Variants in FLACC1 observed in about 807,000 individuals in gnomAD.
FLACC1 encodes the protein flagellum associated containing coiled-coil domains 1.
A neutral mutation model predicts 62.8 loss-of-function variants in FLACC1; 66 were observed. That is an observed-to-expected ratio of 1.05 (90% CI 0.86 to 1.29). The LOEUF (loss-of-function observed/expected upper bound fraction) is 1.29, where lower values mean the gene tolerates loss of function less well. FLACC1 is among the 50% of genes most tolerant of loss of function. The probability of loss-of-function intolerance (pLI) is 0.00; values close to 1 mark genes in which losing one functional copy is unlikely to be tolerated. For missense variants in FLACC1, 452 were observed against 489.1 expected (o/e 0.92, Z 0.71); for synonymous variants, 156 against 161.0 (o/e 0.97, Z 0.24).
chr2:201,338,757 T>C (rs1950745838), intron 7 of FLACC1, among the ~76,000 whole-genome samples: 1 of 152,180 alleles, frequency 6.6e-6, no homozygotes, highest in African/African-American at 2.4e-5. Context: ...CTGATATAAG[T>C]CCCACTCGGT....
Position 201,345,937 on chromosome 2 carries a change from A to G in FLACC1, c.368+605T>C, listed in dbSNP as rs559208492. ...CCCAGCACTTTGGGAGGCTGAGGCC[A>G]GAGGATTACCTGAGGTCAGGAGTTT... On this transcript the variant is annotated intron_variant, in intron 5 of 14. Coordinates refer to ENST00000392257, the MANE Select transcript of FLACC1 (RefSeq NM_001127391.3). Among the ~76,000 whole-genome samples the G allele has an allele frequency of 1.8e-3, 279 of 152,276 alleles. 2 individuals carry two copies. The highest frequency in any genetic ancestry group is 1.2e-3 in the Non-Finnish European group (79 of 68,022).
chr2:201,350,632 G>A, intron 3 of FLACC1, 79 bp downstream of exon 3: 1 of 1,303,232 alleles, frequency 7.7e-7, no homozygotes, highest in South Asian at 1.3e-5. Context: ...AGTGAGCCAA[G>A]GTTACACCAC....
upstream of FLACC1, among the ~76,000 whole-genome samples, chr2:201,360,971 G>A (rs1465456951): frequency 6.6e-6 from 1 of 152,134 alleles, no homozygotes; most frequent in Non-Finnish European, 1.5e-5. Context: ...CCAGCTACTC[G>A]GGAGGTTGAG....
intron 9 of FLACC1, among the ~76,000 whole-genome samples, chr2:201,328,720 C>T (rs926561356): frequency 2.0e-5 from 3 of 152,162 alleles, no homozygotes; most frequent in African/African-American, 4.8e-5. Context: ...GCCACAGCAC[C>T]GGCCTATGGT....
chr2:201,324,491 A>G (rs1950465817), intron 9 of FLACC1, among the ~76,000 whole-genome samples: 4 of 152,246 alleles, frequency 2.6e-5, no homozygotes. Context: ...CTTAAATGAC[A>G]TGCTAAAACA....
At chr2:201,337,092 C>T (rs1359450515) in intron 7 of FLACC1, among the ~76,000 whole-genome samples, 1 of 152,126 alleles carries the variant, frequency 6.6e-6, no homozygotes, top group Non-Finnish European at 1.5e-5. Context: ...GAGAATGTCT[C>T]TTCACTCTGT....
At chr2:201,323,094 T>C (rs1950435738) in intron 9 of FLACC1, among the ~76,000 whole-genome samples, 1 of 152,200 alleles carries the variant, frequency 6.6e-6, no homozygotes, top group South Asian at 2.1e-4. Flanking sequence ...TATGGGATTA[T>C]GTTAAACAGC....
In FLACC1 at chr2:201,351,312, C is replaced by T. The variant is rs1951023056; in HGVS notation, c.93G>A (p.Lys31=). 6.2e-7 allele frequency: 1 copy of T among 1,613,874 alleles called. No homozygotes were observed. The highest frequency in any genetic ancestry group is 8.5e-7 in the Non-Finnish European group (1 of 1,179,738). ...KLIKTPQLPR[K]NSTGSSKLTP... ...CTTACTTGGAACTCCCTGTGGAGTT[C>T]TTGCGTGGTAGTTGAGGGGTCTTGA... The change falls in exon 2 of 15, where the codon AAG becomes AAA. Residue 31 remains lysine (K), a synonymous_variant. Coordinates refer to ENST00000392257, the MANE Select transcript of FLACC1 (RefSeq NM_001127391.3).
At chr2:201,331,795 C>T (rs569883531) in intron 7 of FLACC1, among the ~76,000 whole-genome samples, 311 of 152,268 alleles carry the variant, frequency 2.0e-3, no homozygotes, top group Non-Finnish European at 3.4e-3. Flanking sequence ...TGTCATTACA[C>T]ATTTGTCCAA....
At chr2:201,339,331 G>A (rs188291076) in intron 7 of FLACC1, among the ~76,000 whole-genome samples, 2 of 151,910 alleles carry the variant, frequency 1.3e-5, no homozygotes, top group African/African-American at 4.8e-5. Flanking sequence ...CTAGCTACTG[G>A]TTTATCAATT....
rs1246632746 is a variant in FLACC1, at chr2:201,345,472, GTGTGTGTGTGTGTA to G, written c.368+1056_368+1069del. The stretch of plus-strand genomic sequence containing the variant: ...TGATTGTGTGTGTGTGTGTGTGTGT[GTGTGTGTGTGTGTA>G]TGTGTGTGTGTGTTTTCTATTGTTG... On this transcript the variant is annotated intron_variant, in intron 5 of 14. Transcript: ENST00000392257. 1.2e-3 allele frequency among the ~76,000 whole-genome samples: 176 copies of G among 151,606 alleles called. 2 individuals carry two copies. The highest frequency in any genetic ancestry group is 4.1e-3 in the African/African-American group (170 of 41,154).
At chr2:201,291,578 A>C (rs566243792) in intron 12 of FLACC1, among the ~76,000 whole-genome samples, 2 of 152,354 alleles carry the variant, frequency 1.3e-5, no homozygotes, top group East Asian at 3.9e-4. Context: ...GATGGGGAAA[A>C]AACAGAGCAG....
intron 12 of FLACC1, among the ~76,000 whole-genome samples, chr2:201,298,834 G>A (rs991421396): frequency 6.6e-6 from 1 of 152,194 alleles, no homozygotes; most frequent in Non-Finnish European, 1.5e-5. Context: ...GTTATCATGT[G>A]TGAGGTACAT....
In FLACC1 at chr2:201,330,733, T is replaced by C. The variant is rs759057768; in HGVS notation, c.622+3A>G. 1.9e-6 allele frequency: 3 copies of C among 1,613,752 alleles called. No individual in the cohort carries two copies. The highest frequency in any genetic ancestry group is 2.2e-5 in the South Asian group (2 of 91,052). ...GGGTCATTCTCCCAGGTCCCAGCAG[T>C]ACCTAGCTTCTCTTGGGCAGCCAAC... On this transcript the variant is annotated splice_donor_region_variant and intron_variant, in intron 8 of 14. Coordinates refer to ENST00000392257, the MANE Select transcript of FLACC1 (RefSeq NM_001127391.3).
At chr2:201,331,583 C>T (rs1950595193) in intron 7 of FLACC1, among the ~76,000 whole-genome samples, 1 of 152,138 alleles carries the variant, frequency 6.6e-6, no homozygotes, top group African/African-American at 2.4e-5. Context: ...AAGCATATTA[C>T]TAAGTGAAGG....
chr2:201,361,839 T>C (rs1484738318), upstream of FLACC1, among the ~76,000 whole-genome samples: 1 of 152,250 alleles, frequency 6.6e-6, no homozygotes, highest in Non-Finnish European at 1.5e-5. Context: ...GATTTTTATA[T>C]ATTTGGGTTT....
Position 201,346,603 on chromosome 2 carries a change from C to A in FLACC1, c.307G>T (p.Glu103Ter). The A allele has an allele frequency of 6.2e-7, 1 of 1,614,254 alleles. No homozygotes were observed. Among genetic ancestry groups the A allele is most frequent in the Non-Finnish European group, 8.5e-7 (1 of 1,180,036 alleles). ...CACCGCTTTTTCCTATCAAACATCT[C>A]ATCCCCTAAGGTGACAGAAATCTGT... ...REQISVTLGD[E>*]MFDRKKRWES... is the part of the protein sequence containing the mutation. The change falls in exon 5 of 15, where the codon GAG (glutamate) becomes TAG (stop). Residue 103 changes from glutamate to a stop codon, truncating the protein, a stop_gained. Transcript: ENST00000392257. LOFTEE classifies it high-confidence loss of function. This position sits in a 1 kb window ranked among gnomAD's most constrained non-coding sequence, Gnocchi z 4.0.
chr2:201,305,636 T>C (rs1439227204), intron 11 of FLACC1, among the ~76,000 whole-genome samples: 1 of 152,144 alleles, frequency 6.6e-6, no homozygotes, highest in Non-Finnish European at 1.5e-5. Flanking sequence ...CATGCACACG[T>C]ATGTTTATTG....
intron 7 of FLACC1, among the ~76,000 whole-genome samples, chr2:201,338,967 T>A (rs967571312): frequency 4.6e-5 from 7 of 152,234 alleles, no homozygotes; most frequent in African/African-American, 1.2e-4. Context: ...TCAAATTTTT[T>A]TGAATAGTTT....
Sources: gnomAD v4.1 joint callset for allele counts (sites outside exome capture counted in the v4.1 genomes callset) on GRCh38, gnomAD v4.1.1 for gene constraint, Gnocchi (gnomAD v3.1) non-coding constraint, MANE v1.5 for transcripts, NCBI Gene and HGNC (gene_info 2026-07-23, HGNC 2026-07-21) for gene names.